ZNF407: variants seen among roughly 807,000 people sequenced by gnomAD.
The protein encoded by ZNF407 is zinc finger protein 407.
Under a neutral mutation model 131.2 loss-of-function variants are expected in ZNF407, and 17 were observed. That is an observed-to-expected ratio of 0.13 (90% confidence interval 0.09 to 0.19). The LOEUF (loss-of-function observed/expected upper bound fraction) is 0.19. ZNF407 is among the 10% of genes least tolerant of loss of function. ZNF407 has a pLI of 1.00. For missense variants in ZNF407, 2,681 were observed against 2,830.6 expected (o/e 0.95, Z 1.20); for synonymous variants, 1,156 against 1,062.0 (o/e 1.09, Z -1.72).
chr18:74,851,537 G>A (rs907462537), intron 4 of ZNF407, among the ~76,000 whole-genome samples: 2 of 152,218 alleles, frequency 1.3e-5, no homozygotes, highest in Non-Finnish European at 1.5e-5. Context: ...ACAAGGGCGC[G>A]AGGCTGTGCG....
intron 7 of ZNF407, among the ~76,000 whole-genome samples, chr18:74,913,427 G>A (rs1448119557): frequency 4.6e-5 from 7 of 152,186 alleles, no homozygotes; most frequent in Admixed American, 3.9e-4. Flanking sequence ...GGAGATAAGC[G>A]TGCCCTTCGG....
chr18:75,065,291 A>G lies in ZNF407; in HGVS notation c.*823A>G, dbSNP rs1470318014. On this transcript the variant is annotated 3_prime_UTR_variant, in exon 9 of 9. Transcript: ENST00000299687. The stretch of plus-strand genomic sequence containing the variant: ...ACGCTGGAAGATATTGTTCCTATCA[A>G]TATTTTGCTTTTTATAACAAGGGTT... 1 of 152,216 alleles carries G rather than the reference A, an allele frequency of 6.6e-6. No homozygotes were observed. The highest frequency in any genetic ancestry group is 6.5e-5 in the Admixed American group (1 of 15,290). The allele number at this position is 152,216 out of a possible 1,614,324, so 9.4% of individuals were successfully genotyped here. A position where few individuals can be genotyped will look rare whatever the true frequency, so the allele number is the denominator to read the frequency against.
chr18:74,929,999 G>A (rs1388369387), intron 8 of ZNF407, among the ~76,000 whole-genome samples: 2 of 152,082 alleles, frequency 1.3e-5, no homozygotes, highest in African/African-American at 4.8e-5. Flanking sequence ...TACTACTTAC[G>A]AAAGCCTGAG....
intron 8 of ZNF407, among the ~76,000 whole-genome samples, chr18:75,017,086 G>A (rs1371167002): frequency 6.6e-6 from 1 of 152,040 alleles, no homozygotes; most frequent in Non-Finnish European, 1.5e-5. Flanking sequence ...TACTTATTGA[G>A]CATCTGCTTA....
Position 75,064,260 on chromosome 18 carries a change from A to G in ZNF407, c.6539A>G (p.Gln2180Arg), listed in dbSNP as rs771417206. 2 of 1,605,578 alleles carry G rather than the reference A, an allele frequency of 1.2e-6. No homozygotes were observed. The highest frequency in any genetic ancestry group is 3.4e-5 in the Admixed American group (2 of 59,684). ...YILTELPPGV[Q>R]DEPGLYSHTV... is the part of the protein sequence containing the mutation. ...CTGACAGAGCTGCCCCCAGGGGTGC[A>G]GGACGAGCCGGGCCTGTACTCCCAC... The change falls in exon 9 of 9, where the codon CAG (glutamine) becomes CGG (arginine). Residue 2180 changes from glutamine (Q) to arginine (R), a missense_variant. Coordinates refer to ENST00000299687, the MANE Select transcript of ZNF407 (RefSeq NM_017757.3).
At chr18:74,626,552 A>G (rs1452773743) in intron 1 of ZNF407, among the ~76,000 whole-genome samples, 1 of 152,182 alleles carries the variant, frequency 6.6e-6, no homozygotes, top group Non-Finnish European at 1.5e-5. Context: ...GTGTCACTAC[A>G]GTTCCGTTCA....
At chr18:75,042,693 C>T (rs1431503201) in intron 8 of ZNF407, among the ~76,000 whole-genome samples, 5 of 152,298 alleles carry the variant, frequency 3.3e-5, no homozygotes, top group South Asian at 4.1e-4. Flanking sequence ...AGTTAGAGAA[C>T]GTTTCCATTA....
At chr18:74,928,929 A>T (rs1971947478) in intron 8 of ZNF407, among the ~76,000 whole-genome samples, 1 of 152,068 alleles carries the variant, frequency 6.6e-6, no homozygotes, top group Non-Finnish European at 1.5e-5. Flanking sequence ...CTGTTTTTTT[A>T]AAAAGAATAT....
intron 4 of ZNF407, among the ~76,000 whole-genome samples, chr18:74,801,343 C>G (rs943851962): frequency 6.6e-6 from 1 of 151,916 alleles, no homozygotes; most frequent in African/African-American, 2.4e-5. Context: ...ATTTTTCTTT[C>G]ATTATCAGTG....
intron 6 of ZNF407, among the ~76,000 whole-genome samples, chr18:74,883,185 G>T (rs1474230085): frequency 1.3e-5 from 2 of 152,120 alleles, no homozygotes; most frequent in African/African-American, 4.8e-5. Flanking sequence ...TGTCTTTTTG[G>T]CATTTATCTG....
At chr18:74,670,871 G>A (rs764007937) in intron 3 of ZNF407, among the ~76,000 whole-genome samples, 3 of 152,138 alleles carry the variant, frequency 2.0e-5, no homozygotes, top group Non-Finnish European at 4.4e-5. Flanking sequence ...TTGCTGTGTT[G>A]CCCAGGCTGG....
intron 8 of ZNF407, among the ~76,000 whole-genome samples, chr18:75,037,809 T>TTG (rs1187363505): frequency 2.6e-5 from 4 of 152,324 alleles, no homozygotes; most frequent in Non-Finnish European, 5.9e-5. Flanking sequence ...GCATGACAGT[T>TTG]TGGCTCAAGT....
chr18:74,738,258 A>T (rs1441785105), intron 3 of ZNF407, among the ~76,000 whole-genome samples: 1 of 151,696 alleles, frequency 6.6e-6, no homozygotes, highest in Non-Finnish European at 1.5e-5. Context: ...TGTCTCTACT[A>T]AAAATACAAA....
At chr18:74,791,845 G>C (rs1247613421) in intron 4 of ZNF407, among the ~76,000 whole-genome samples, 2 of 152,164 alleles carry the variant, frequency 1.3e-5, no homozygotes, top group Non-Finnish European at 2.9e-5. Flanking sequence ...TTTGAAGAAG[G>C]GGATTCACAC....
chr18:74,857,573 A>G (rs72977444), intron 4 of ZNF407, among the ~76,000 whole-genome samples: 24,712 of 152,136 alleles, frequency 0.16, 2,278 homozygotes, highest in Middle Eastern at 0.27. Context: ...TTCTAAAAAA[A>G]AAATCAGATC....
intron 8 of ZNF407, among the ~76,000 whole-genome samples, chr18:75,044,559 G>C (rs187326754): frequency 1.2e-4 from 18 of 152,202 alleles, no homozygotes; most frequent in Admixed American, 7.2e-4. Context: ...AACAGCCCTA[G>C]GTAACGTTTC....
At chr18:74,713,116 A>T (rs552317871) in intron 3 of ZNF407, among the ~76,000 whole-genome samples, 1 of 152,286 alleles carries the variant, frequency 6.6e-6, no homozygotes, top group East Asian at 1.9e-4. Flanking sequence ...TCTGAACGGT[A>T]CAGCTAGCGC....
In ZNF407 at chr18:75,063,602, G is replaced by T; in HGVS notation, c.5881G>T (p.Gly1961Cys). ...CATGGATGAGTCCCTCAGTCCAGGT[G>T]GCGCTGTGATACAACAGGTGACCAA... is the stretch of plus-strand genomic sequence containing the variant. Reference protein sequence around the residue: ...HGMDESLSPGGAVIQQVTKQE... With the variant: ...HGMDESLSPGCAVIQQVTKQE... The change falls in exon 9 of 9, where the codon GGC becomes TGC. Residue 1961 changes from glycine to cysteine, a missense_variant. Around this residue, in one of 6 missense-constraint regions of ZNF407, gnomAD observed 620 missense variants for 583.1 expected, o/e 1.06. Coordinates refer to ENST00000299687, the MANE Select transcript of ZNF407 (RefSeq NM_017757.3). This position sits in a 1 kb window ranked among gnomAD's most constrained non-coding sequence, Gnocchi z 6.6. 1 of 1,574,080 alleles carries T rather than the reference G, an allele frequency of 6.4e-7. No homozygotes were observed. The highest frequency in any genetic ancestry group is 8.6e-7 in the Non-Finnish European group (1 of 1,161,326).
At chr18:74,725,895 T>C (rs1021007151) in intron 3 of ZNF407, among the ~76,000 whole-genome samples, 2 of 152,210 alleles carry the variant, frequency 1.3e-5, no homozygotes, top group African/African-American at 4.8e-5. Context: ...TTTTTGTGGA[T>C]TGGCCTATCG....
Sources: allele counts gnomAD v4.1 joint callset (sites outside exome capture counted in the v4.1 genomes callset), GRCh38; gene constraint gnomAD v4.1.1; regional missense constraint gnomAD v4.1.1; non-coding constraint Gnocchi (gnomAD v3.1); transcripts MANE v1.5; gene names NCBI Gene and HGNC (gene_info 2026-07-23, HGNC 2026-07-21).